Variants in CSMD1 observed in about 807,000 individuals in gnomAD.
CSMD1 encodes CUB and Sushi multiple domains 1.
Under a neutral mutation model 417.5 loss-of-function variants are expected in CSMD1, and 213 were observed. That is an observed-to-expected ratio of 0.51 (90% confidence interval 0.46 to 0.57). The LOEUF (loss-of-function observed/expected upper bound fraction) is 0.57, where lower values mean the gene tolerates loss of function less well. Ranked by LOEUF, CSMD1 falls within the 20% of genes least tolerant of loss-of-function variation. CSMD1 has a pLI of 0.00. For missense variants in CSMD1, 6,923 were observed against 4,529.7 expected (o/e 1.53, Z -15.17); for synonymous variants, 2,862 against 1,736.8 (o/e 1.65, Z -16.11).
At chr8:3,071,798 C>T (rs1813342166) in intron 49 of CSMD1, among the ~76,000 whole-genome samples, 1 of 152,188 alleles carries the variant, frequency 6.6e-6, no homozygotes, top group Non-Finnish European at 1.5e-5. Flanking sequence ...GGATTCATTG[C>T]AAATACGTCA....
chr8:3,631,063 C>A (rs879522432), intron 7 of CSMD1, among the ~76,000 whole-genome samples: 30 of 152,262 alleles, frequency 2.0e-4, no homozygotes, highest in South Asian at 2.1e-4. Flanking sequence ...TCCTTCCACC[C>A]AAAATACTCT....
intron 23 of CSMD1, among the ~76,000 whole-genome samples, chr8:3,318,419 T>C (rs1805923683): frequency 6.6e-6 from 1 of 152,230 alleles, no homozygotes; most frequent in South Asian, 2.1e-4. Flanking sequence ...TCAGATATTT[T>C]GCTAGACGCC....
chr8:4,534,899 A>G lies in CSMD1; in HGVS notation c.302+102443T>C, dbSNP rs192469094. On this transcript the variant is annotated intron_variant, in intron 2 of 69. Coordinates refer to ENST00000635120, the MANE Select transcript of CSMD1 (RefSeq NM_033225.6). Reference sequence around the variant, plus strand: ...TGCCTCAGCCTCCCAAGTAGCTGGGACTACAGGTGCCTGCCACCACGCCCG... The same window carrying G: ...TGCCTCAGCCTCCCAAGTAGCTGGGGCTACAGGTGCCTGCCACCACGCCCG... 3.8e-3 allele frequency among the ~76,000 whole-genome samples: 585 copies of G among 152,126 alleles called. 2 individuals are homozygous for G. The highest frequency in any genetic ancestry group is 0.014 in the African/African-American group (565 of 41,500).
intron 8 of CSMD1, among the ~76,000 whole-genome samples, chr8:3,609,375 C>A (rs1242652718): frequency 6.6e-6 from 1 of 152,166 alleles, no homozygotes; most frequent in Admixed American, 6.5e-5. Flanking sequence ...TACACTTTGT[C>A]TTTTAGACAG....
chr8:4,742,251 C>T (rs916086510), intron 1 of CSMD1, among the ~76,000 whole-genome samples: 15 of 151,010 alleles, frequency 9.9e-5, no homozygotes, highest in Admixed American at 9.9e-4. Flanking sequence ...AGGATGGTCT[C>T]GATCTCCTGA....
chr8:3,398,961 C>G (rs1421009272), intron 16 of CSMD1, among the ~76,000 whole-genome samples: 2 of 152,190 alleles, frequency 1.3e-5, no homozygotes, highest in African/African-American at 4.8e-5. Context: ...ATTGCCCGCT[C>G]AGCATCACTA....
At chr8:4,170,320 T>G (rs1277205755) in intron 3 of CSMD1, among the ~76,000 whole-genome samples, 4 of 151,922 alleles carry the variant, frequency 2.6e-5, no homozygotes, top group East Asian at 1.9e-4. Flanking sequence ...ATATAAAAAG[T>G]AACAAATTCT....
chr8:3,063,352 G>C (rs1056151523), intron 49 of CSMD1, among the ~76,000 whole-genome samples: 7 of 152,180 alleles, frequency 4.6e-5, no homozygotes, highest in African/African-American at 1.4e-4. Flanking sequence ...GAAATAATGA[G>C]TGCTGACAAA....
intron 5 of CSMD1, among the ~76,000 whole-genome samples, chr8:3,956,113 C>G (rs1439780419): frequency 6.6e-6 from 1 of 152,182 alleles, no homozygotes; most frequent in Non-Finnish European, 1.5e-5. Flanking sequence ...CTTTCTAACC[C>G]TTTTAAGTTC....
chr8:4,989,420 A>C (rs1285511280), intron 1 of CSMD1, among the ~76,000 whole-genome samples: 2 of 152,210 alleles, frequency 1.3e-5, no homozygotes, highest in Non-Finnish European at 2.9e-5. Context: ...TAATATTTCC[A>C]TACAACCCAA....
chr8:3,780,005 A>C (rs1799090249), intron 5 of CSMD1, among the ~76,000 whole-genome samples: 1 of 152,224 alleles, frequency 6.6e-6, no homozygotes, highest in Admixed American at 6.5e-5. Flanking sequence ...CCTTTTCCTA[A>C]ATACAAACAT....
At chr8:4,933,554 C>T (rs570250556) in intron 1 of CSMD1, among the ~76,000 whole-genome samples, 1 of 152,184 alleles carries the variant, frequency 6.6e-6, no homozygotes, top group Non-Finnish European at 1.5e-5. Context: ...CGAAAAGTAG[C>T]ACTTTGATAC....
chr8:3,562,179 G>T (rs550970666), intron 10 of CSMD1, among the ~76,000 whole-genome samples: 1 of 152,268 alleles, frequency 6.6e-6, no homozygotes, highest in East Asian at 1.9e-4. Flanking sequence ...AGTAGGTGGG[G>T]AAAGATGGAA....
intron 26 of CSMD1, among the ~76,000 whole-genome samples, chr8:3,260,818 G>T (rs957243818): frequency 6.6e-6 from 1 of 152,076 alleles, no homozygotes; most frequent in Non-Finnish European, 1.5e-5. Flanking sequence ...AAACAGAAAA[G>T]CTTTTGCTCT....
chr8:4,437,817 T>G (rs1490007406), intron 2 of CSMD1, among the ~76,000 whole-genome samples: 1 of 152,204 alleles, frequency 6.6e-6, no homozygotes, highest in Admixed American at 6.5e-5. Context: ...GTTTGGTTGA[T>G]GGGCTTGTCT....
At chr8:3,355,715 T>C (rs1210427753) in intron 21 of CSMD1, among the ~76,000 whole-genome samples, 3 of 152,156 alleles carry the variant, frequency 2.0e-5, no homozygotes, top group African/African-American at 7.2e-5. Flanking sequence ...GTTGATGAGG[T>C]TGAACCCTTG....
At chr8:3,727,744 T>C (rs1802577128) in intron 6 of CSMD1, among the ~76,000 whole-genome samples, 1 of 152,140 alleles carries the variant, frequency 6.6e-6, no homozygotes. Flanking sequence ...TGGATAAAGA[T>C]AATGTGATCT....
intron 1 of CSMD1, among the ~76,000 whole-genome samples, chr8:4,975,920 G>T (rs941359474): frequency 1.3e-5 from 2 of 152,132 alleles, no homozygotes; most frequent in Non-Finnish European, 2.9e-5. Context: ...GCTCACATTG[G>T]CCATATGTGA....
intron 9 of CSMD1, among the ~76,000 whole-genome samples, chr8:3,583,255 C>T (rs981514193): frequency 6.6e-6 from 1 of 151,954 alleles, no homozygotes; most frequent in African/African-American, 2.4e-5. Flanking sequence ...TTTTTACTCA[C>T]AGAGTCAACT....
Sources: allele counts gnomAD v4.1 joint callset (sites outside exome capture counted in the v4.1 genomes callset), GRCh38; gene constraint gnomAD v4.1.1; transcripts MANE v1.5; gene names NCBI Gene and HGNC (gene_info 2026-07-23, HGNC 2026-07-21).